Variants in WNK1 observed in about 807,000 individuals in gnomAD.
The protein encoded by WNK1 is WNK lysine deficient protein kinase 1, also known as serine/threonine-protein kinase WNK1.
Under a neutral mutation model 222.8 loss-of-function variants are expected in WNK1, and 38 were observed. That is an observed-to-expected ratio of 0.17 (90% CI 0.13 to 0.22). WNK1 has a LOEUF of 0.22. Among genes scored for constraint, WNK1 ranks in the 10% least tolerant of loss-of-function variants. WNK1 has a pLI of 1.00. For missense variants in WNK1, 2,348 were observed against 2,918.4 expected, an observed-to-expected ratio of 0.80 and a Z score of 4.50; for synonymous variants, 1,090 against 1,092.9, an observed-to-expected ratio of 1.00 and a Z score of 0.05.
At chr12:810,769 C>T (rs981960277) in intron 1 of WNK1, among the ~76,000 whole-genome samples, 30 of 152,190 alleles carry the variant, frequency 2.0e-4, no homozygotes, top group African/African-American at 7.0e-4. Context: ...TAAACATTAG[C>T]ATTGTGCTTC....
chr12:840,054 C>G (rs577116473), intron 4 of WNK1, among the ~76,000 whole-genome samples: 1 of 151,828 alleles, frequency 6.6e-6, no homozygotes, highest in South Asian at 2.1e-4. Context: ...AATGGAGTAG[C>G]AAACTATGCT....
chr12:817,016 A>AGGGG (rs1947404229), intron 2 of WNK1, among the ~76,000 whole-genome samples: 1 of 152,248 alleles, frequency 6.6e-6, no homozygotes, highest in Non-Finnish European at 1.5e-5. Context: ...GCTTCTGAAG[A>AGGGG]ACTTCTAGAA....
rs557994251 is a variant in WNK1 at position 843,631 on chromosome 12, C to G, written c.1311+13471C>G. Among the ~76,000 whole-genome samples, 11 of 152,278 alleles carry G rather than the reference C, an allele frequency of 7.2e-5. No individual in the cohort carries two copies. The South Asian group carries it at 1.5e-3, about 20-fold the overall frequency. On this transcript the variant is annotated intron_variant, in intron 4 of 27. Transcript: ENST00000315939. Reference sequence around the variant, plus strand: ...CTGGCCTCATGCAGATATGTAGTTGCAAAAGGAAATACTTTATAGACCACA... The same window carrying G: ...CTGGCCTCATGCAGATATGTAGTTGGAAAAGGAAATACTTTATAGACCACA...
chr12:908,646 G>A lies in WNK1; in HGVS notation c.7003G>A (p.Ala2335Thr), dbSNP rs375901694. 22 of 1,614,046 alleles carry A rather than the reference G, an allele frequency of 1.4e-5. No homozygotes were observed. The highest frequency in any genetic ancestry group is 3.3e-5 in the Admixed American group (2 of 59,998). Residue 2335 changes from alanine to threonine, a missense_variant, in exon 28 of 28, where the codon GCT becomes ACT. Transcript: ENST00000315939. ...TGGCTTTCCAGCTACCCCATTTGGC[G>A]CTCAATGGAGTGGGACGGGTGGCCC... Reference protein sequence around the residue: ...QYGFPATPFGAQWSGTGGPAP... With the variant: ...QYGFPATPFGTQWSGTGGPAP...
rs777111973 is a variant in WNK1 at position 883,502 on chromosome 12, A to G, written c.3597A>G (p.Glu1199=). The G allele has an allele frequency of 5.8e-5, 94 of 1,614,076 alleles. No homozygotes were observed. The highest frequency in any genetic ancestry group is 5.2e-4 in the South Asian group (47 of 91,090). The change falls in exon 16 of 28, where the codon GAA becomes GAG. Residue 1199 remains glutamate, a synonymous_variant. Transcript: ENST00000315939. ...DEMLSEDVSV[E]PEGDQGLESL... Reference sequence around the variant, plus strand: ...TGCTCAGTGAGGATGTCAGTGTGGAACCAGAGGGTGATCAGGGATTGGAGA... The same window carrying G: ...TGCTCAGTGAGGATGTCAGTGTGGAGCCAGAGGGTGATCAGGGATTGGAGA...
intron 9 of WNK1, among the ~76,000 whole-genome samples, chr12:875,280 G>A (rs960146703): frequency 2.6e-5 from 4 of 152,078 alleles, no homozygotes; most frequent in East Asian, 1.9e-4. Flanking sequence ...AAATTTATCC[G>A]TTAGAAAAGA....
chr12:798,488 A>T (rs1201606961), intron 1 of WNK1, among the ~76,000 whole-genome samples: 1 of 152,090 alleles, frequency 6.6e-6, no homozygotes, highest in Non-Finnish European at 1.5e-5. Context: ...CACCAAGCCC[A>T]GCCTTACTAT....
intron 26 of WNK1, among the ~76,000 whole-genome samples, chr12:907,015 C>A (rs547882984): frequency 0.05 from 288 of 5,736 alleles, 3 homozygotes; most frequent in Middle Eastern, 0.21. Flanking sequence ...AAAGAAGAGA[C>A]CCTTCCTTTA....
chr12:755,832 G>A (rs1939931420), intron 1 of WNK1, among the ~76,000 whole-genome samples: 1 of 152,178 alleles, frequency 6.6e-6, no homozygotes, highest in African/African-American at 2.4e-5. Flanking sequence ...AAAATTAGCC[G>A]GGTATGGTGG....
intron 4 of WNK1, among the ~76,000 whole-genome samples, chr12:833,669 A>C (rs142475263): frequency 3.3e-5 from 5 of 152,204 alleles, no homozygotes; most frequent in African/African-American, 9.6e-5. Context: ...TTTGTTTATT[A>C]GTGGTTATTC....
At chr12:867,085 C>T (rs1648565118) in intron 8 of WNK1, among the ~76,000 whole-genome samples, 3 of 152,190 alleles carry the variant, frequency 2.0e-5, no homozygotes, top group South Asian at 2.1e-4. Flanking sequence ...ATTGTCACTG[C>T]ACTCCAGCCT....
chr12:851,371 A>G (rs1950409347), intron 4 of WNK1: 3 of 1,062,456 alleles, frequency 2.8e-6, no homozygotes, highest in South Asian at 3.2e-5. Flanking sequence ...ACTGTGCGCA[A>G]AGTAGGTGGA....
At chr12:785,946 G>A (rs1011664000) in intron 1 of WNK1, among the ~76,000 whole-genome samples, 19 of 152,154 alleles carry the variant, frequency 1.2e-4, no homozygotes, top group African/African-American at 4.6e-4. Context: ...ATGAAATGCA[G>A]ATGTTGGGAT....
rs1479894708 is a variant in WNK1, at chr12:884,164, A to C, written c.3765A>C (p.Gly1255=). The stretch of plus-strand genomic sequence containing the variant: ...TAACTCAAGTTGTTCATTCTGCGGG[A>C]AGGCGGTTTATAGTGAGTCCTGTGC... ...SSLTQVVHSA[G]RRFIVSPVPE... is the part of the protein sequence containing the mutation. The change falls in exon 18 of 28, where the codon GGA becomes GGC. Residue 1255 remains glycine (G), a synonymous_variant. Coordinates refer to ENST00000315939, the MANE Select transcript of WNK1 (RefSeq NM_018979.4). The surrounding 1 kb of genome is among the most constrained non-coding windows in gnomAD (Gnocchi z 5.6). 1 of 1,614,042 alleles carries C rather than the reference A, an allele frequency of 6.2e-7. No homozygotes were observed. The highest frequency in any genetic ancestry group is 2.2e-5 in the East Asian group (1 of 44,896).
rs531221025 is a variant in WNK1, at chr12:763,542, T to C, written c.759+9218T>C. On this transcript the variant is annotated intron_variant, in intron 1 of 27. Coordinates refer to ENST00000315939, the MANE Select transcript of WNK1 (RefSeq NM_018979.4). Reference sequence around the variant, plus strand: ...AGGTGGAGGTTGCAGTGAGCCAAGATTGCGCCATTGCACTCCAGCCTGGGC... The same window carrying C: ...AGGTGGAGGTTGCAGTGAGCCAAGACTGCGCCATTGCACTCCAGCCTGGGC... Among the ~76,000 whole-genome samples the C allele has an allele frequency of 1.0e-3, 153 of 146,838 alleles. 5 individuals carry two copies. Among genetic ancestry groups the C allele is most frequent in the African/African-American group, 3.7e-3 (150 of 41,078 alleles).
At chr12:756,014 C>T (rs1300943354) in intron 1 of WNK1, among the ~76,000 whole-genome samples, 3 of 152,152 alleles carry the variant, frequency 2.0e-5, no homozygotes, top group East Asian at 1.9e-4. Flanking sequence ...AACTTATGTC[C>T]GATTCCTTTT....
chr12:871,389 G>A (rs910579260), intron 9 of WNK1, 41 bp downstream of exon 9: 5 of 1,586,922 alleles, frequency 3.2e-6, no homozygotes, highest in African/African-American at 1.3e-5. Context: ...ATTAGCAGTG[G>A]CCAGAACACT....
At chr12:773,269 A>AT (rs1942747603) in intron 1 of WNK1, among the ~76,000 whole-genome samples, 1 of 152,122 alleles carries the variant, frequency 6.6e-6, no homozygotes, top group Admixed American at 6.6e-5. Flanking sequence ...AAAAAAAAAA[A>AT]AGTTCTTTAA....
intron 1 of WNK1, among the ~76,000 whole-genome samples, chr12:784,447 T>C (rs7308320): frequency 0.22 from 33,991 of 152,128 alleles, 4,041 homozygotes; most frequent in East Asian, 0.3. Flanking sequence ...GCCTTTGATG[T>C]GATTGTCTTA....
Sources: gnomAD v4.1 joint callset for allele counts (sites outside exome capture counted in the v4.1 genomes callset) on GRCh38, gnomAD v4.1.1 for gene constraint, Gnocchi (gnomAD v3.1) non-coding constraint, MANE v1.5 for transcripts, NCBI Gene and HGNC (gene_info 2026-07-23, HGNC 2026-07-21) for gene names.